Variants in PRKCZ observed in about 807,000 individuals in gnomAD.
PRKCZ encodes protein kinase C zeta type.
PRKCZ carries 33 observed loss-of-function variants against 79.5 expected under a neutral mutation model. That is an observed-to-expected ratio of 0.41 (90% CI 0.31 to 0.55). The LOEUF (loss-of-function observed/expected upper bound fraction) is 0.55, where lower values mean the gene tolerates loss of function less well. Among genes scored for constraint, PRKCZ ranks in the 20% least tolerant of loss-of-function variants. The probability of loss-of-function intolerance (pLI) is 0.19; values close to 1 mark genes in which losing one functional copy is unlikely to be tolerated. For synonymous variants in PRKCZ, 342 were observed against 320.9 expected, an observed-to-expected ratio of 1.07 and a Z score of -0.70; for missense variants, 578 against 813.5, an observed-to-expected ratio of 0.71 and a Z score of 3.52.
In PRKCZ at chr1:2,165,283, C is replaced by T. The variant is rs953401978; in HGVS notation, c.975-4235C>T. On this transcript the variant is annotated intron_variant, in intron 10 of 17. Coordinates refer to ENST00000378567, the MANE Select transcript of PRKCZ (RefSeq NM_002744.6). This position sits in a 1 kb window ranked among gnomAD's most constrained non-coding sequence, Gnocchi z 4.1. Reference sequence around the variant, plus strand: ...TGCCCTGTAATGACGGTGCTGTCACCGCTGTGATGTCCGCTGTGAGGTGGG... The same window carrying T: ...TGCCCTGTAATGACGGTGCTGTCACTGCTGTGATGTCCGCTGTGAGGTGGG... Among the ~76,000 whole-genome samples the T allele has an allele frequency of 2.0e-5, 3 of 152,164 alleles. No individual in the cohort carries two copies. The highest frequency in any genetic ancestry group is 4.8e-5 in the African/African-American group (2 of 41,426).
At chr1:2,096,963 C>T (rs565892583) in intron 4 of PRKCZ, among the ~76,000 whole-genome samples, 1 of 152,382 alleles carries the variant, frequency 6.6e-6, no homozygotes, top group African/African-American at 2.4e-5. Context: ...TAGGCCTGGA[C>T]ACGGCCCTGT....
intron 4 of PRKCZ, among the ~76,000 whole-genome samples, chr1:2,108,939 C>T (rs556369937): frequency 2.6e-4 from 40 of 152,290 alleles, no homozygotes; most frequent in South Asian, 8.3e-4. Flanking sequence ...CCCCGTTTCC[C>T]GCCTTCTCCG....
chr1:2,130,026 C>T (rs1185190627), intron 4 of PRKCZ, among the ~76,000 whole-genome samples: 1 of 152,150 alleles, frequency 6.6e-6, no homozygotes, highest in Non-Finnish European at 1.5e-5. Context: ...CCTCAGCCTC[C>T]CGAGTAGCTG....
At chr1:2,059,634 G>T in intron 4 of PRKCZ, 43 bp downstream of exon 4, 3 of 1,609,304 alleles carry the variant, frequency 1.9e-6, no homozygotes, top group Middle Eastern at 1.7e-4. Flanking sequence ...ATGTTACGGG[G>T]TTGAACTGTT....
intron 3 of PRKCZ, 137 bp from the exon 4 acceptor site, chr1:2,059,404 G>A (rs1557476145): frequency 6.0e-6 from 6 of 993,410 alleles, no homozygotes; most frequent in Admixed American, 2.0e-5. Flanking sequence ...TCCCAGGAGC[G>A]GGCTCTCATT....
At chr1:2,103,394 T>A (rs1014742137) in intron 4 of PRKCZ, among the ~76,000 whole-genome samples, 3 of 150,708 alleles carry the variant, frequency 2.0e-5, no homozygotes, top group Non-Finnish European at 4.4e-5. Flanking sequence ...AAGACACAGT[T>A]ACACAGAGTG....
intron 16 of PRKCZ, among the ~76,000 whole-genome samples, chr1:2,181,329 A>G (rs1686570651): frequency 6.6e-6 from 1 of 152,038 alleles, no homozygotes; most frequent in Non-Finnish European, 1.5e-5. Context: ...CTTCAGAACT[A>G]GAGCCCTTGG....
At chr1:2,055,759 C>T (rs1437246372) in intron 2 of PRKCZ, 197 bp downstream of exon 2, 4 of 760,806 alleles carry the variant, frequency 5.3e-6, no homozygotes, top group Non-Finnish European at 8.0e-6. Flanking sequence ...GACCTGGGCC[C>T]AGATGCCCCT....
intron 10 of PRKCZ, chr1:2,156,747 C>T (rs4648811): frequency 0.012 from 1,853 of 152,550 alleles, 11 homozygotes; most frequent in Non-Finnish European, 0.021. Context: ...GTCACAAGCT[C>T]CCAAGAGCCC....
intron 4 of PRKCZ, among the ~76,000 whole-genome samples, chr1:2,090,535 C>A (rs1665309443): frequency 6.6e-6 from 1 of 152,240 alleles, no homozygotes; most frequent in African/African-American, 2.4e-5. Context: ...CTTAAGGCCC[C>A]TAAAGTCTGC....
At chr1:2,175,425 T>C in intron 16 of PRKCZ, 112 bp downstream of exon 16, 3 of 719,376 alleles carry the variant, frequency 4.2e-6, no homozygotes, top group African/African-American at 4.7e-5. Flanking sequence ...CCCCACCCCA[T>C]CCGAACCCCA....
At chr1:2,060,958 G>A (rs1660619383) in intron 4 of PRKCZ, among the ~76,000 whole-genome samples, 1 of 152,188 alleles carries the variant, frequency 6.6e-6, no homozygotes, top group Admixed American at 6.5e-5. Flanking sequence ...CACGCACCCT[G>A]GGAGGGCACG....
At chr1:2,099,704 C>T (rs965636080) in intron 4 of PRKCZ, among the ~76,000 whole-genome samples, 2 of 152,096 alleles carry the variant, frequency 1.3e-5, no homozygotes, top group South Asian at 2.1e-4. Flanking sequence ...AGGTGAGGGT[C>T]GGGTGAGGGC....
At chr1:2,106,078 A>G (rs544584446) in intron 4 of PRKCZ, among the ~76,000 whole-genome samples, 3 of 152,260 alleles carry the variant, frequency 2.0e-5, no homozygotes, top group African/African-American at 7.2e-5. Flanking sequence ...GATTGTTGGG[A>G]GATGAGGGCC....
At chr1:2,089,499 T>C (rs1378545160) in intron 4 of PRKCZ, among the ~76,000 whole-genome samples, 1 of 152,130 alleles carries the variant, frequency 6.6e-6, no homozygotes, top group Non-Finnish European at 1.5e-5. Context: ...CCAGGCAAGG[T>C]ACCAGCAGAT....
intron 10 of PRKCZ, among the ~76,000 whole-genome samples, chr1:2,163,526 C>T (rs999175177): frequency 2.6e-5 from 4 of 152,310 alleles, no homozygotes; most frequent in South Asian, 2.1e-4. Flanking sequence ...AGAAGATGAC[C>T]GATAACTGCA....
chr1:2,123,703 A>C lies in PRKCZ; in HGVS notation c.335-11559A>C, dbSNP rs182685582. On this transcript the variant is annotated intron_variant, in intron 4 of 17. Transcript: ENST00000378567. Reference sequence around the variant, plus strand: ...CGGCGGTGGTTAGGGTCACGGTGGTAGTTAGGGTGGTGGTGGTTAGGGTCA... The same window carrying C: ...CGGCGGTGGTTAGGGTCACGGTGGTCGTTAGGGTGGTGGTGGTTAGGGTCA... 1.5e-3 allele frequency among the ~76,000 whole-genome samples: 5 copies of C among 3,252 alleles called. 1 individual carries two copies. Among genetic ancestry groups the C allele is most frequent in the Non-Finnish European group, 2.4e-3 (5 of 2,104 alleles). The allele number at this position is 3,252 out of a possible 152,430, so 2.1% of individuals were successfully genotyped here.
chr1:2,059,641 T>C (rs1427182668), intron 4 of PRKCZ, 50 bp downstream of exon 4: 3 of 1,607,752 alleles, frequency 1.9e-6, no homozygotes, highest in Admixed American at 1.7e-5. Flanking sequence ...GGGGTTGAAC[T>C]GTTGATCCGT....
Position 2,150,936 on chromosome 1 carries a change from C to T in PRKCZ, c.834C>T (p.Tyr278=), listed in dbSNP as rs543820208. The T allele has an allele frequency of 3.8e-5, 62 of 1,614,100 alleles. No individual in the cohort carries two copies. In the South Asian group the frequency reaches 5.3e-4, roughly 14 times the overall value. Residue 278 remains tyrosine, a synonymous_variant, in exon 9 of 18, where the codon TAC becomes TAT. Transcript: ENST00000378567. ...GGTTGAAGAAGAATGACCAAATTTA[C>T]GCCATGAAAGTGGTGAAGAAAGAGC... ...LVRLKKNDQI[Y]AMKVVKKELV...
Sources: gnomAD v4.1 joint callset for allele counts (sites outside exome capture counted in the v4.1 genomes callset) on GRCh38, gnomAD v4.1.1 for gene constraint, Gnocchi (gnomAD v3.1) non-coding constraint, MANE v1.5 for transcripts, NCBI Gene and HGNC (gene_info 2026-07-23, HGNC 2026-07-21) for gene names.